Variants in XRCC6 observed in about 807,000 individuals in gnomAD.
The protein encoded by XRCC6 is X-ray repair cross complementing 6.
XRCC6 carries 5 observed loss-of-function variants against 65.7 expected under a neutral mutation model. That is an observed-to-expected ratio of 0.08 (90% CI 0.04 to 0.16). The LOEUF is 0.16. Ranked by LOEUF, XRCC6 falls within the 10% of genes least tolerant of loss-of-function variation. XRCC6 has a pLI of 1.00. For missense variants in XRCC6, 447 were observed against 738.1 expected (o/e 0.61, Z 4.57); for synonymous variants, 270 against 270.6 (o/e 1.00, Z 0.02).
chr22:41,649,916 C>T (rs1033121572), intron 7 of XRCC6, among the ~76,000 whole-genome samples: 5 of 152,026 alleles, frequency 3.3e-5, no homozygotes, highest in South Asian at 4.1e-4. Context: ...CCTGTAATCC[C>T]AGCTAGTCAG....
chr22:41,643,512 G>A (rs1309254536), intron 6 of XRCC6, among the ~76,000 whole-genome samples: 1 of 151,434 alleles, frequency 6.6e-6, no homozygotes, highest in African/African-American at 2.4e-5. Context: ...TTACTTTCAT[G>A]CAGTTCAAAA....
intron 2 of XRCC6, 58 bp downstream of exon 2, chr22:41,622,144 T>G: frequency 6.4e-7 from 1 of 1,564,610 alleles, no homozygotes; most frequent in South Asian, 1.1e-5. Flanking sequence ...CTTCCCTGCC[T>G]ATCTCTGCTG....
At position 41,647,792 on chromosome 22, in the gene XRCC6, C is replaced by G. The variant is rs1279794055; in HGVS notation, c.960+710C>G. ...CTCACTATGTTGCTCAGGCTGGCCT[C>G]GAACTCCTAGGCTCAAGCAGTACTC... On this transcript the variant is annotated intron_variant, in intron 7 of 12. Transcript: ENST00000360079. Among the ~76,000 whole-genome samples, 15 of 152,022 alleles carry G rather than the reference C, an allele frequency of 9.9e-5. No individual in the cohort carries two copies. In the East Asian group the frequency reaches 2.7e-3, roughly 28 times the overall value.
At chr22:41,633,765 C>T (rs943100969) in intron 3 of XRCC6, among the ~76,000 whole-genome samples, 3 of 152,126 alleles carry the variant, frequency 2.0e-5, no homozygotes, top group African/African-American at 7.2e-5. Context: ...CCTGTAATTT[C>T]AGAGAGTTAA....
At chr22:41,621,959 C>T (rs761649266) in intron 1 of XRCC6, 31 bp from the exon 2 acceptor site, 3 of 1,604,174 alleles carry the variant, frequency 1.9e-6, no homozygotes, top group East Asian at 2.2e-5. Context: ...TTTAAATTTG[C>T]CTGTTACTGA....
chr22:41,656,883 A>G lies in XRCC6; in HGVS notation c.1292-20A>G. On this transcript the variant is annotated intron_variant, in intron 9 of 12. Coordinates refer to ENST00000360079, the MANE Select transcript of XRCC6 (RefSeq NM_001469.5). Reference sequence around the variant, plus strand: ...CAACACTTGAAGTCAAATCAAAGAAAATTTATCTCCTTTCTTCAGGCTTCC... The same window carrying G: ...CAACACTTGAAGTCAAATCAAAGAAGATTTATCTCCTTTCTTCAGGCTTCC... 6.2e-7 allele frequency: 1 copy of G among 1,612,034 alleles called. No individual in the cohort carries two copies. Among genetic ancestry groups the G allele is most frequent in the Non-Finnish European group, 8.5e-7 (1 of 1,179,830 alleles).
chr22:41,634,329 G>GGACT (rs1219197003), intron 3 of XRCC6, among the ~76,000 whole-genome samples: 1 of 151,786 alleles, frequency 6.6e-6, no homozygotes, highest in African/African-American at 2.4e-5. Context: ...TGAGTAGTGG[G>GGACT]GACTACAAGC....
intron 8 of XRCC6, 91 bp downstream of exon 8, chr22:41,650,982 A>G (rs988551183): frequency 6.7e-7 from 1 of 1,491,454 alleles, no homozygotes; most frequent in Non-Finnish European, 9.2e-7. Flanking sequence ...TGGACACTGT[A>G]CAGGAAATGT....
chr22:41,640,726 T>G (rs192855662), intron 6 of XRCC6, among the ~76,000 whole-genome samples: 1 of 152,206 alleles, frequency 6.6e-6, no homozygotes, highest in Non-Finnish European at 1.5e-5. Flanking sequence ...CTATTTTTCT[T>G]TCCTCAGACA....
intron 3 of XRCC6, among the ~76,000 whole-genome samples, chr22:41,630,173 G>C (rs938380351): frequency 2.0e-5 from 3 of 151,758 alleles, no homozygotes; most frequent in Non-Finnish European, 4.4e-5. Context: ...TAGTAGAGAT[G>C]GGGTTTCACC....
rs1471483476 is a variant in XRCC6, at chr22:41,646,947, T to C, written c.825T>C (p.Asn275=). The stretch of plus-strand genomic sequence containing the variant: ...TAGTGATCTCTGTGGGCATTTATAA[T>C]CTGGTCCAGAAGGCTCTCAAGCCTC... The part of the protein sequence containing the change: ...KDIVISVGIY[N]LVQKALKPPP... Residue 275 remains asparagine, a synonymous_variant, in exon 7 of 13, where the codon AAT becomes AAC. Coordinates refer to ENST00000360079, the MANE Select transcript of XRCC6 (RefSeq NM_001469.5). 1.2e-6 allele frequency: 2 copies of C among 1,614,078 alleles called. No homozygotes were observed. The highest frequency in any genetic ancestry group is 2.2e-5 in the South Asian group (2 of 91,074).
At position 41,622,093 on chromosome 22, in the gene XRCC6, G is replaced by C; in HGVS notation, c.82+7G>C. 1 of 1,614,104 alleles carries C rather than the reference G, an allele frequency of 6.2e-7. No homozygotes were observed. The highest frequency in any genetic ancestry group is 8.5e-7 in the Non-Finnish European group (1 of 1,179,972). ...GAGAACCTTGAAGCAAGTGGTAAGT[G>C]ACTTCAGCATGTAGTGCCATTCGGT... On this transcript the variant is annotated splice_region_variant and intron_variant, in intron 2 of 12. Transcript: ENST00000360079.
intron 12 of XRCC6, among the ~76,000 whole-genome samples, chr22:41,663,170 C>T (rs949510273): frequency 2.0e-5 from 3 of 152,294 alleles, no homozygotes; most frequent in Non-Finnish European, 4.4e-5. Flanking sequence ...AATCACAGTT[C>T]ACTGGCTCAC....
chr22:41,631,869 C>T (rs1053291792), intron 3 of XRCC6, among the ~76,000 whole-genome samples: 8 of 152,200 alleles, frequency 5.3e-5, no homozygotes, highest in African/African-American at 1.9e-4. Flanking sequence ...ACACCGTCTG[C>T]AATCCCGGCA....
chr22:41,652,721 T>A (rs2068012619), intron 8 of XRCC6, among the ~76,000 whole-genome samples: 1 of 152,070 alleles, frequency 6.6e-6, no homozygotes, highest in African/African-American at 2.4e-5. Context: ...TCGCCCAGGC[T>A]GGAATGCAGT....
At chr22:41,634,989 A>G (rs2067794685) in intron 3 of XRCC6, among the ~76,000 whole-genome samples, 1 of 152,176 alleles carries the variant, frequency 6.6e-6, no homozygotes, top group African/African-American at 2.4e-5. Context: ...ACTGGTAGTT[A>G]TTGACTTATT....
chr22:41,643,008 A>G (rs1244951179), intron 6 of XRCC6, among the ~76,000 whole-genome samples: 1 of 152,204 alleles, frequency 6.6e-6, no homozygotes, highest in Non-Finnish European at 1.5e-5. Context: ...GAACCTGTAT[A>G]TCTTCGAACT....
chr22:41,649,852 AT>A (rs1569093600), intron 7 of XRCC6, among the ~76,000 whole-genome samples: 37 of 149,590 alleles, frequency 2.5e-4, no homozygotes, highest in South Asian at 8.5e-4. Context: ...AAAAAAAATA[AT>A]AATAAATAAA....
chr22:41,651,853 G>A (rs1450047416), intron 8 of XRCC6, among the ~76,000 whole-genome samples: 4 of 151,174 alleles, frequency 2.6e-5, no homozygotes, highest in African/African-American at 9.7e-5. Context: ...GCGCAATCTC[G>A]GCTCACTGCA....
Sources: allele counts gnomAD v4.1 joint callset (sites outside exome capture counted in the v4.1 genomes callset), GRCh38; gene constraint gnomAD v4.1.1; transcripts MANE v1.5; gene names NCBI Gene and HGNC (gene_info 2026-07-23, HGNC 2026-07-21).